Variants in FLVCR2 observed in about 807,000 individuals in gnomAD.
FLVCR2 encodes FLVCR choline and putative heme transporter 2, also known as choline/ethanolamine transporter FLVCR2.
In FLVCR2, 38 loss-of-function variants were observed where a neutral mutation model predicts 48.9. The ratio of observed to expected loss-of-function variants is 0.78; its 90% CI spans 0.60 to 1.02. The LOEUF (loss-of-function observed/expected upper bound fraction) is 1.02, where lower values mean the gene tolerates loss of function less well. Among genes scored for constraint, FLVCR2 ranks in the 50% least tolerant of loss-of-function variants. The pLI is 0.00. For missense variants in FLVCR2, 664 were observed against 663.3 expected, an observed-to-expected ratio of 1.00 and a Z score of -0.01; for synonymous variants, 255 against 257.0, an observed-to-expected ratio of 0.99 and a Z score of 0.07.
At chr14:75,640,072 A>G (rs1346241178) in intron 6 of FLVCR2, among the ~76,000 whole-genome samples, 4 of 152,112 alleles carry the variant, frequency 2.6e-5, no homozygotes, top group Non-Finnish European at 4.4e-5. Flanking sequence ...AGCCTGGCCA[A>G]TATGGTGATA....
At position 75,635,004 on chromosome 14, in the gene FLVCR2, A is replaced by G; in HGVS notation, c.1115A>G (p.Lys372Arg). ...VISGIWLDRS[K>R]TYKETTLVVY... ...TCAGGAATCTGGCTGGATAGGTCCA[A>G]AACCTACAAGTAAGTGACTCATCCT... The change falls in exon 5 of 10, where the codon AAA (lysine) becomes AGA (arginine). Residue 372 changes from lysine to arginine, a missense_variant. Physicochemically the swap from Lys to Arg is conservative, Grantham distance 26 (BLOSUM62 2). Transcript: ENST00000238667. 1.9e-6 allele frequency: 3 copies of G among 1,608,184 alleles called. No individual in the cohort carries two copies. The highest frequency in any genetic ancestry group is 2.6e-6 in the Non-Finnish European group (3 of 1,174,568).
In FLVCR2 at chr14:75,579,447, G is replaced by T. The variant is rs1157723040; in HGVS notation, c.475G>T (p.Ala159Ser). 1.2e-6 allele frequency: 2 copies of T among 1,613,714 alleles called. No homozygotes were observed. Among genetic ancestry groups the T allele is most frequent in the African/African-American group, 2.7e-5 (2 of 74,944 alleles). The change falls in exon 1 of 10, where the codon GCT becomes TCT. Residue 159 changes from alanine (A) to serine (S), a missense_variant. Transcript: ENST00000238667. ...GCGCACCATTGCTCTCACTGGCTCGGCTCTCAACTGCCTGGGGGCCTGGGT... is the reference window on the plus strand; with the variant it reads ...GCGCACCATTGCTCTCACTGGCTCGTCTCTCAACTGCCTGGGGGCCTGGGT... Reference protein sequence around the residue: ...GLRTIALTGSALNCLGAWVKL... With the variant: ...GLRTIALTGSSLNCLGAWVKL...
chr14:75,581,888 G>A (rs143372735), intron 1 of FLVCR2, among the ~76,000 whole-genome samples: 1,740 of 152,238 alleles, frequency 0.011, 21 homozygotes, highest in South Asian at 0.028. Flanking sequence ...TCTAAGAGGC[G>A]GGAACCCACA....
chr14:75,634,091 T>C (rs1360743721), intron 4 of FLVCR2, among the ~76,000 whole-genome samples: 2 of 152,152 alleles, frequency 1.3e-5, no homozygotes, highest in Admixed American at 1.3e-4. Context: ...TTGGCAAATA[T>C]ATATATAAAA....
At chr14:75,621,131 AGTTTGGACTC>A (rs1889753015) in intron 1 of FLVCR2, among the ~76,000 whole-genome samples, 2 of 152,184 alleles carry the variant, frequency 1.3e-5, no homozygotes, top group African/African-American at 4.8e-5. Context: ...CGGTCACTGG[AGTTTGGACTC>A]CAACCCAGAT....
At chr14:75,604,898 AGTT>A (rs996291242) in intron 1 of FLVCR2, among the ~76,000 whole-genome samples, 2 of 152,142 alleles carry the variant, frequency 1.3e-5, no homozygotes, top group Admixed American at 1.3e-4. Flanking sequence ...GGGTGCAGGA[AGTT>A]GGTGTAATAT....
At chr14:75,625,605 G>T (rs1889882129) in intron 3 of FLVCR2, among the ~76,000 whole-genome samples, 1 of 151,960 alleles carries the variant, frequency 6.6e-6, no homozygotes, top group Admixed American at 6.6e-5. Flanking sequence ...TAATCCACCA[G>T]TTAAAGTTTG....
At chr14:75,594,486 C>T (rs1299627582) in intron 1 of FLVCR2, among the ~76,000 whole-genome samples, 1 of 152,216 alleles carries the variant, frequency 6.6e-6, no homozygotes, top group Non-Finnish European at 1.5e-5. Flanking sequence ...GCTACTATCA[C>T]AGAATACCAC....
Position 75,646,562 on chromosome 14 carries a change from G to C in FLVCR2, c.*90G>C. 1.1e-6 allele frequency: 1 copy of C among 907,498 alleles called. No homozygotes were observed. Among genetic ancestry groups the C allele is most frequent in the Non-Finnish European group, 1.8e-6 (1 of 550,274 alleles). 56.2% of individuals were successfully genotyped at this position (907,498 alleles called of 1,614,324 possible). Reference sequence around the variant, plus strand: ...CGCCAGCACAAAGGGCTTCGCTAGAGATGTTTTTGGAGGGAATCAGTGGGA... The same window carrying C: ...CGCCAGCACAAAGGGCTTCGCTAGACATGTTTTTGGAGGGAATCAGTGGGA... On this transcript the variant is annotated 3_prime_UTR_variant, in exon 10 of 10. Coordinates refer to ENST00000238667, the MANE Select transcript of FLVCR2 (RefSeq NM_017791.3).
chr14:75,627,353 A>C (rs1220548616), intron 3 of FLVCR2, among the ~76,000 whole-genome samples: 1 of 149,750 alleles, frequency 6.7e-6, no homozygotes, highest in East Asian at 1.9e-4. Flanking sequence ...GAATTTTTTC[A>C]GAACTTTTAA....
chr14:75,619,393 A>G (rs1372341616), intron 1 of FLVCR2, among the ~76,000 whole-genome samples: 1 of 152,020 alleles, frequency 6.6e-6, no homozygotes, highest in East Asian at 1.9e-4. Context: ...TGTGAGTACA[A>G]TGTAGAAAGA....
At chr14:75,595,958 CT>C (rs1242166428) in intron 1 of FLVCR2, 1 of 1,512,936 alleles carries the variant, frequency 6.6e-7, no homozygotes, top group Non-Finnish European at 9.1e-7. Flanking sequence ...GTTCATTTTT[CT>C]TTGCATAATC....
intron 2 of FLVCR2, 39 bp downstream of exon 2, chr14:75,622,259 A>C: frequency 6.2e-7 from 1 of 1,606,986 alleles, no homozygotes; most frequent in Non-Finnish European, 8.5e-7. Flanking sequence ...GCAGGGGGCG[A>C]AGGGGCAGGG....
chr14:75,584,853 A>G (rs1001968486), intron 1 of FLVCR2, among the ~76,000 whole-genome samples: 2 of 152,250 alleles, frequency 1.3e-5, no homozygotes, highest in Non-Finnish European at 2.9e-5. Flanking sequence ...GGGTCTGACA[A>G]GAAAGAGCCT....
In FLVCR2 at chr14:75,578,646, C is replaced by T. The variant is rs191422112; in HGVS notation, c.-327C>T. 4.7e-6 allele frequency: 2 copies of T among 422,562 alleles called. No homozygotes were observed. Among genetic ancestry groups the T allele is most frequent in the South Asian group, 2.3e-5 (1 of 43,844 alleles). The allele number at this position is 422,562 out of a possible 1,614,324, so 26.2% of individuals were successfully genotyped here. A position where few individuals can be genotyped will look rare whatever the true frequency, so the allele number is the denominator to read the frequency against. ...GAGGACTCTGCGGGCGAAGTGGCTG[C>T]GCAAGGAGAGAACTTTTCCTGCACA... On this transcript the variant is annotated 5_prime_UTR_variant, in exon 1 of 10. Transcript: ENST00000238667.
At chr14:75,634,545 A>G (rs1890118819) in intron 4 of FLVCR2, among the ~76,000 whole-genome samples, 1 of 152,208 alleles carries the variant, frequency 6.6e-6, no homozygotes, top group South Asian at 2.1e-4. Context: ...CTAAGAATGG[A>G]AATTTTAACA....
intron 1 of FLVCR2, among the ~76,000 whole-genome samples, chr14:75,621,121 C>T (rs546976213): frequency 2.2e-4 from 34 of 152,224 alleles, no homozygotes; most frequent in African/African-American, 6.3e-4. Context: ...TGTTATCTGT[C>T]GGTCACTGGA....
chr14:75,580,914 C>A (rs780650280), intron 1 of FLVCR2, among the ~76,000 whole-genome samples: 1 of 152,126 alleles, frequency 6.6e-6, no homozygotes, highest in Non-Finnish European at 1.5e-5. Flanking sequence ...TTAGCTTGGG[C>A]TCAGAGGCCT....
chr14:75,586,529 CCTAT>C (rs761484392), intron 1 of FLVCR2, among the ~76,000 whole-genome samples: 72 of 152,246 alleles, frequency 4.7e-4, no homozygotes, highest in African/African-American at 1.6e-3. Flanking sequence ...ACTATTTTCT[CCTAT>C]CTATTAATTT....
Sources: gnomAD v4.1 joint callset for allele counts (sites outside exome capture counted in the v4.1 genomes callset) on GRCh38, gnomAD v4.1.1 for gene constraint, MANE v1.5 for transcripts, NCBI Gene and HGNC (gene_info 2026-07-23, HGNC 2026-07-21) for gene names.